BMP1: variants seen among roughly 807,000 people sequenced by gnomAD.
BMP1 encodes mammalian tolloid protein.
Under a neutral mutation model 116.8 loss-of-function variants are expected in BMP1, and 63 were observed. That is an observed-to-expected ratio of 0.54 (90% CI 0.44 to 0.67). The LOEUF (loss-of-function observed/expected upper bound fraction) is 0.67. Among genes scored for constraint, BMP1 ranks in the 30% least tolerant of loss-of-function variants. The probability of loss-of-function intolerance (pLI) is 0.00; values close to 1 mark genes in which losing one functional copy is unlikely to be tolerated. For synonymous variants in BMP1, 536 were observed against 533.4 expected, an observed-to-expected ratio of 1.00 and a Z score of -0.07; for missense variants, 1,183 against 1,358.9, an observed-to-expected ratio of 0.87 and a Z score of 2.04.
intron 15 of BMP1, chr8:22,199,241 G>A (rs1390594713): frequency 2.2e-6 from 3 of 1,367,488 alleles, no homozygotes; most frequent in Non-Finnish European, 2.9e-6. Flanking sequence ...CAGGGCCCGG[G>A]GCATCTGACT....
At chr8:22,195,648 G>T (rs1315577397) in intron 13 of BMP1, 61 bp downstream of exon 13, 2 of 1,561,212 alleles carry the variant, frequency 1.3e-6, no homozygotes, top group East Asian at 2.3e-5. Context: ...CACCTGCCCA[G>T]AATTTTTTTT....
rs1828565105 is a variant in BMP1 at position 22,179,968 on chromosome 8, G to T, written c.961+139G>T. On this transcript the variant is annotated intron_variant, in intron 7 of 19. Coordinates refer to ENST00000306385, the MANE Select transcript of BMP1 (RefSeq NM_006129.5). This position sits in a 1 kb window ranked among gnomAD's most constrained non-coding sequence, Gnocchi z 4.6. ...TGGCGGGGGAGGGGACCCCATAGGAGGGGCAGTGTCCAAGTGAAGGAGGCC... is the reference window on the plus strand; with the variant it reads ...TGGCGGGGGAGGGGACCCCATAGGATGGGCAGTGTCCAAGTGAAGGAGGCC... 3.0e-6 allele frequency: 3 copies of T among 1,015,668 alleles called. No individual in the cohort carries two copies. The highest frequency in any genetic ancestry group is 2.8e-5 in the Admixed American group (1 of 35,734). 62.9% of individuals were successfully genotyped at this position (1,015,668 alleles called of 1,614,324 possible). A position where few individuals can be genotyped will look rare whatever the true frequency, so the allele number is the denominator to read the frequency against.
At chr8:22,186,371 C>T (rs1396554071) in intron 8 of BMP1, among the ~76,000 whole-genome samples, 1 of 152,206 alleles carries the variant, frequency 6.6e-6, no homozygotes, top group Non-Finnish European at 1.5e-5. Flanking sequence ...CTTTAAGAGC[C>T]AGAGTGCCTG....
At position 22,209,622 on chromosome 8, in the gene BMP1, G is replaced by A. The variant is rs758631616; in HGVS notation, c.2753G>A (p.Gly918Asp). Residue 918 changes from glycine to aspartate, a missense_variant, in exon 19 of 20, where the codon GGC becomes GAC. Physicochemically the swap from Gly to Asp is moderately conservative, Grantham distance 94. Transcript: ENST00000306385. ...GAGGTGGAGGAGGAGACCGACTGCGGCTATGACTACATGGAGCTCTTCGAC... is the reference window on the plus strand; with the variant it reads ...GAGGTGGAGGAGGAGACCGACTGCGACTATGACTACATGGAGCTCTTCGAC... ...TFEVEEETDC[G>D]YDYMELFDGY... is the part of the protein sequence containing the mutation. The A allele has an allele frequency of 6.2e-6, 10 of 1,614,170 alleles. No homozygotes were observed. The South Asian group carries it at 1.1e-4, about 18-fold the overall frequency.
chr8:22,185,094 C>T (rs772808796), intron 8 of BMP1, among the ~76,000 whole-genome samples: 21 of 152,134 alleles, frequency 1.4e-4, no homozygotes, highest in Non-Finnish European at 2.4e-4. Context: ...GCAGCTGGCG[C>T]GGAGAGGACT....
Position 22,201,603 on chromosome 8 carries a change from G to A in BMP1, c.2108-200G>A, listed in dbSNP as rs144695562. On this transcript the variant is annotated intron_variant, in intron 15 of 19. Transcript: ENST00000306385. ...TCTCCCCACAGCTGGGCCCTGCTCA[G>A]CTGGTCCTGCTGGATGCAGTGCCCC... 2,268 of 1,371,626 alleles carry A rather than the reference G, an allele frequency of 1.7e-3. 3 individuals are homozygous for A. The highest frequency in any genetic ancestry group is 3.4e-3 in the Middle Eastern group (13 of 3,778). The allele number at this position is 1,371,626 out of a possible 1,614,324, so 85.0% of individuals were successfully genotyped here.
intron 18 of BMP1, among the ~76,000 whole-genome samples, chr8:22,207,725 T>C (rs1829390345): frequency 6.6e-6 from 1 of 152,064 alleles, no homozygotes; most frequent in East Asian, 1.9e-4. Context: ...ATGGCAGTGA[T>C]GACGATGGAC....
chr8:22,188,382 C>G (rs1416863179), intron 8 of BMP1, among the ~76,000 whole-genome samples: 3 of 152,074 alleles, frequency 2.0e-5, no homozygotes, highest in Admixed American at 6.6e-5. Context: ...ATTGCTCAGG[C>G]TGGTCTCAAA....
chr8:22,171,513 G>A (rs978521387), intron 1 of BMP1: 1 of 152,240 alleles, frequency 6.6e-6, no homozygotes. Context: ...CAGCTGGTTT[G>A]TGTATGTTGG....
In BMP1 at chr8:22,165,552, G is replaced by T. The variant is rs759431739; in HGVS notation, c.147G>T (p.Ala49=). Residue 49 remains alanine, a splice_region_variant and synonymous_variant, in exon 1 of 20, where the codon GCG becomes GCT. Coordinates refer to ENST00000306385, the MANE Select transcript of BMP1 (RefSeq NM_006129.5). ...EPLNYKDPCK[A]AAFLGDIALD... Reference sequence around the variant, plus strand: ...TCAACTACAAAGACCCCTGCAAGGCGGGTGAGCGCCCCCCGGCCCCCCGGC... The same window carrying T: ...TCAACTACAAAGACCCCTGCAAGGCTGGTGAGCGCCCCCCGGCCCCCCGGC... 6.3e-7 allele frequency: 1 copy of T among 1,579,678 alleles called. No individual in the cohort carries two copies. Among genetic ancestry groups the T allele is most frequent in the Non-Finnish European group, 8.6e-7 (1 of 1,166,590 alleles).
At chr8:22,175,128 T>C (rs1828395226) in intron 2 of BMP1, among the ~76,000 whole-genome samples, 1 of 152,204 alleles carries the variant, frequency 6.6e-6, no homozygotes, top group Non-Finnish European at 1.5e-5. Flanking sequence ...CTAGTAGGTA[T>C]GGCACAACGG....
chr8:22,177,827 C>CA (rs1563245627), intron 5 of BMP1, 25 bp from the exon 6 acceptor site: 2 of 1,564,618 alleles, frequency 1.3e-6, no homozygotes, highest in African/African-American at 2.7e-5. Flanking sequence ...CCTCTCCCCC[C>CA]ACACCCTTTT....
rs1829380553 is a variant in BMP1 at position 22,207,351 on chromosome 8, C to A, written c.2410C>A (p.His804Asn). The A allele has an allele frequency of 1.2e-6, 2 of 1,614,152 alleles. No homozygotes were observed. The highest frequency in any genetic ancestry group is 1.7e-6 in the Non-Finnish European group (2 of 1,179,970). The part of the protein sequence containing the change: ...IESQPECAYD[H>N]LEVFDGRDAK... ...GTCCCAGCCTGAGTGTGCCTACGAC[C>A]ACCTAGAGGTGTTCGACGGGCGAGA... The change falls in exon 18 of 20, where the codon CAC becomes AAC. Residue 804 changes from histidine to asparagine, a missense_variant. Physicochemically the swap from His to Asn is moderately conservative, Grantham distance 68 (BLOSUM62 1). This residue lies in a region of BMP1 where 956 missense variants were observed against 1,135.2 expected (regional missense o/e 0.84). Transcript: ENST00000306385.
chr8:22,190,707 C>T (rs1268619681), intron 8 of BMP1, among the ~76,000 whole-genome samples: 1 of 152,182 alleles, frequency 6.6e-6, no homozygotes, highest in Non-Finnish European at 1.5e-5. Context: ...GCCAGGAGCT[C>T]CTCCCCGACT....
Position 22,211,873 on chromosome 8 carries a change from T to C in BMP1, c.*145T>C, listed in dbSNP as rs7001. ...GCCAATGGCCTGGTGAGACTGTCCA[T>C]AGGAGGTGGGGGAACTGGACTCCGG... On this transcript the variant is annotated 3_prime_UTR_variant, in exon 20 of 20. Transcript: ENST00000306385. 280,103 of 1,269,520 alleles carry C rather than the reference T, an allele frequency of 0.22. 33,100 individuals are homozygous for C. The highest frequency in any genetic ancestry group is 0.25 in the Non-Finnish European group (227,518 of 922,862). The allele number at this position is 1,269,520 out of a possible 1,614,324, so 78.6% of individuals were successfully genotyped here.
chr8:22,189,450 ACACACACAC>A, intron 8 of BMP1, among the ~76,000 whole-genome samples: 1 of 147,430 alleles, frequency 6.8e-6, no homozygotes, highest in Admixed American at 7.0e-5. Flanking sequence ...ACACACACAC[ACACACACAC>A]ACATATCTTA....
In BMP1 at chr8:22,192,145, CT is replaced by C; in HGVS notation, c.1175del (p.Leu392ProfsTer48). The C allele has an allele frequency of 6.2e-7, 1 of 1,613,166 alleles. No homozygotes were observed. The highest frequency in any genetic ancestry group is 8.5e-7 in the Non-Finnish European group (1 of 1,179,622). ...AGATGGCTTCTGGAGGAAGGCGCCC[CT>C]CCGAGGTAACGGCACCAGCCACCCC... ...VRDGFWRKAP[L>X]RGRFCGSKLP... On this transcript the variant is annotated frameshift_variant, in exon 9 of 20. Coordinates refer to ENST00000306385, the MANE Select transcript of BMP1 (RefSeq NM_006129.5). LOFTEE classifies it high-confidence loss of function.
intron 15 of BMP1, 102 bp downstream of exon 15, chr8:22,197,522 G>A: frequency 3.0e-6 from 4 of 1,353,826 alleles, no homozygotes; most frequent in Non-Finnish European, 4.0e-6. Flanking sequence ...CCTCCCTGGT[G>A]CCAGGCAGGC....
chr8:22,177,098 G>C lies in BMP1; in HGVS notation c.689G>C (p.Arg230Pro). The change falls in exon 5 of 20, where the codon CGG becomes CCG. Residue 230 changes from arginine to proline, a missense_variant. Physicochemically the swap from Arg to Pro is moderately radical, Grantham distance 103. This residue lies in a region of BMP1 where 956 missense variants were observed against 1,135.2 expected (regional missense o/e 0.84). Transcript: ENST00000306385. ...GFWHEHTRPD[R>P]DRHVSIVREN... ...TGGCACGAACACACTCGGCCAGACC[G>C]GGACCGCCACGTTTCCATCGTTCGT... 1.2e-6 allele frequency: 2 copies of C among 1,611,534 alleles called. No individual in the cohort carries two copies. The highest frequency in any genetic ancestry group is 1.7e-6 in the Non-Finnish European group (2 of 1,178,784).
Sources: gnomAD v4.1 joint callset for allele counts (sites outside exome capture counted in the v4.1 genomes callset) on GRCh38, gnomAD v4.1.1 for gene constraint, gnomAD v4.1.1 regional missense constraint, Gnocchi (gnomAD v3.1) non-coding constraint, MANE v1.5 for transcripts, NCBI Gene and HGNC (gene_info 2026-07-23, HGNC 2026-07-21) for gene names.